The following RFTN1 variants were observed in gnomAD, a reference collection of about 807,000 sequenced individuals.
RFTN1 encodes raftlin.
Under a neutral mutation model 46.5 loss-of-function variants are expected in RFTN1, and 26 were observed. The observed-to-expected ratio is 0.56, with a 90% CI of 0.41 to 0.78. RFTN1 has a LOEUF of 0.78. Among genes scored for constraint, RFTN1 ranks in the 30% least tolerant of loss-of-function variants. The pLI is 0.00. For synonymous variants in RFTN1, 261 were observed against 284.2 expected, an observed-to-expected ratio of 0.92 and a Z score of 0.82; for missense variants, 693 against 718.7, an observed-to-expected ratio of 0.96 and a Z score of 0.41.
chr3:16,316,827 C>T lies in RFTN1; in HGVS notation c.*1G>A. 1 of 1,613,806 alleles carries T rather than the reference C, an allele frequency of 6.2e-7. No individual in the cohort carries two copies. Among genetic ancestry groups the T allele is most frequent in the East Asian group, 2.2e-5 (1 of 44,870 alleles). On this transcript the variant is annotated 3_prime_UTR_variant, in exon 10 of 10. Transcript: ENST00000334133. This position sits in a 1 kb window ranked among gnomAD's most constrained non-coding sequence, Gnocchi z 4.5. ...TAGTTTTAGCACAAATTGCCCAAGA[C>T]TCAGTTTTCTTCAACCGTACCAAGC...
Position 16,507,901 on chromosome 3 carries a change from A to G in RFTN1, c.-9+5541T>C, listed in dbSNP as rs1453769100. On this transcript the variant is annotated intron_variant, in intron 1 of 9. Coordinates refer to ENST00000334133, the MANE Select transcript of RFTN1 (RefSeq NM_015150.2). This position sits in a 1 kb window ranked among gnomAD's most constrained non-coding sequence, Gnocchi z 7.1. ...TGAAAGCTGATAGGCCCCCGTAAAG[A>G]ATAAATTGTAACCCTCAAGGAGGTC... 6.6e-6 allele frequency among the ~76,000 whole-genome samples: 1 copy of G among 152,140 alleles called. No individual in the cohort carries two copies. The highest frequency in any genetic ancestry group is 6.5e-5 in the Admixed American group (1 of 15,270).
chr3:16,337,501 T>C lies in RFTN1; in HGVS notation c.1147-10625A>G, dbSNP rs2070969127. 1 of 152,138 alleles carries C rather than the reference T, an allele frequency of 6.6e-6. No individual in the cohort carries two copies. The highest frequency in any genetic ancestry group is 1.9e-4 in the East Asian group (1 of 5,190). 9.4% of individuals were successfully genotyped at this position (152,138 alleles called of 1,614,324 possible). ...GCTCACGCCTGTAATCTCTGCACTT[T>C]GGGAGGCAGAGGTGGGTGGATCATG... is the stretch of plus-strand genomic sequence containing the variant. On this transcript the variant is annotated intron_variant, in intron 7 of 9. Transcript: ENST00000334133. This position sits in a 1 kb window ranked among gnomAD's most constrained non-coding sequence, Gnocchi z 5.0.
rs923591005 is a variant in RFTN1 at position 16,383,512 on chromosome 3, TA to T, written c.442-5411del. Reference sequence around the variant, plus strand: ...TTATATAAAAAGTCACAAGTCATTGTAAAAAAAATCTTTGGTTATATATTTG... The same window carrying T: ...TTATATAAAAAGTCACAAGTCATTGTAAAAAAATCTTTGGTTATATATTTG... On this transcript the variant is annotated intron_variant, in intron 4 of 9. Transcript: ENST00000334133. The surrounding 1 kb of genome is among the most constrained non-coding windows in gnomAD (Gnocchi z 4.0). Among the ~76,000 whole-genome samples, 2 of 152,066 alleles carry T rather than the reference TA, an allele frequency of 1.3e-5. No individual in the cohort carries two copies. The highest frequency in any genetic ancestry group is 2.1e-4 in the South Asian group (1 of 4,826).
rs1279066039 is a variant in RFTN1, at chr3:16,328,225, G to A, written c.1147-1349C>T. ...GGGAGAGATCCCAGCCACAGTCAAA[G>A]CAGGCTTCCTGGGGCAAAAATTAGA... On this transcript the variant is annotated intron_variant, in intron 7 of 9. Transcript: ENST00000334133. Among the ~76,000 whole-genome samples, 3 of 152,260 alleles carry A rather than the reference G, an allele frequency of 2.0e-5. No individual in the cohort carries two copies. In the East Asian group the frequency reaches 5.8e-4, roughly 29 times the overall value.
In RFTN1 at chr3:16,449,906, C is replaced by T. The variant is rs2075795845; in HGVS notation, c.146-15869G>A. Among the ~76,000 whole-genome samples the T allele has an allele frequency of 6.6e-6, 1 of 152,240 alleles. No individual in the cohort carries two copies. The highest frequency in any genetic ancestry group is 2.1e-4 in the South Asian group (1 of 4,826). On this transcript the variant is annotated intron_variant, in intron 2 of 9. Coordinates refer to ENST00000334133, the MANE Select transcript of RFTN1 (RefSeq NM_015150.2). This position sits in a 1 kb window ranked among gnomAD's most constrained non-coding sequence, Gnocchi z 5.1. ...ACTGCAGAAGCCTAGAGAGCTGGTT[C>T]TAGAAAATGGCCCCATCTCTAGAAG...
intron 7 of RFTN1, among the ~76,000 whole-genome samples, chr3:16,343,868 G>A (rs957628220): frequency 1.3e-5 from 2 of 152,190 alleles, no homozygotes; most frequent in African/African-American, 2.4e-5. Context: ...TTCAAAAGGA[G>A]GGGAGAGCAA....
chr3:16,482,605 G>C, intron 2 of RFTN1: 3 of 766,506 alleles, frequency 3.9e-6, no homozygotes, highest in Non-Finnish European at 2.2e-6. Context: ...AGAACCACGG[G>C]CACATTAGGT....
chr3:16,326,993 CCACT>C (rs1229786077), intron 7 of RFTN1, 117 bp from the exon 8 acceptor site: 1 of 694,958 alleles, frequency 1.4e-6, no homozygotes, highest in Non-Finnish European at 2.4e-6. Context: ...CGGTGCCCGG[CCACT>C]CAGAGGCTCC....
At position 16,382,227 on chromosome 3, in the gene RFTN1, A is replaced by G. The variant is rs2125386210; in HGVS notation, c.442-4125T>C. ...GCAGAGGCTGCCAAGTTGTTTACCA[A>G]AAAGGGTGCGTAGTCCTTTTTAACT... On this transcript the variant is annotated intron_variant, in intron 4 of 9. Coordinates refer to ENST00000334133, the MANE Select transcript of RFTN1 (RefSeq NM_015150.2). The surrounding 1 kb of genome is among the most constrained non-coding windows in gnomAD (Gnocchi z 4.7). 6.6e-6 allele frequency among the ~76,000 whole-genome samples: 1 copy of G among 152,298 alleles called. No individual in the cohort carries two copies. The highest frequency in any genetic ancestry group is 2.1e-4 in the South Asian group (1 of 4,826).
chr3:16,422,962 C>T lies in RFTN1; in HGVS notation c.332+10889G>A, dbSNP rs541594225. On this transcript the variant is annotated intron_variant, in intron 3 of 9. Coordinates refer to ENST00000334133, the MANE Select transcript of RFTN1 (RefSeq NM_015150.2). This position sits in a 1 kb window ranked among gnomAD's most constrained non-coding sequence, Gnocchi z 4.6. ...TGGGTGGATCATGAGGTCAGGAGAT[C>T]GAGACCATCCTGGCTAACACAGTGA... Among the ~76,000 whole-genome samples the T allele has an allele frequency of 9.2e-5, 14 of 151,662 alleles. No homozygotes were observed. The highest frequency in any genetic ancestry group is 5.3e-4 in the Admixed American group (8 of 15,226).
chr3:16,343,472 A>G (rs2071442601), intron 7 of RFTN1, among the ~76,000 whole-genome samples: 1 of 152,098 alleles, frequency 6.6e-6, no homozygotes, highest in Non-Finnish European at 1.5e-5. Context: ...AACATGTCCA[A>G]TTGTTTCCCA....
At chr3:16,490,994 G>GAGAA (rs1202182796) in intron 2 of RFTN1, among the ~76,000 whole-genome samples, 2 of 152,178 alleles carry the variant, frequency 1.3e-5, no homozygotes, top group African/African-American at 4.8e-5. Flanking sequence ...GAATAAAAGA[G>GAGAA]AGAAAATCCC....
chr3:16,333,239 G>C (rs541636462), intron 7 of RFTN1, among the ~76,000 whole-genome samples: 3 of 152,290 alleles, frequency 2.0e-5, no homozygotes, highest in Admixed American at 2.0e-4. Flanking sequence ...GGCACTATGT[G>C]TACCACAAAA....
In RFTN1 at chr3:16,466,665, T is replaced by C. The variant is rs1458173579; in HGVS notation, c.145+27060A>G. On this transcript the variant is annotated intron_variant, in intron 2 of 9. Coordinates refer to ENST00000334133, the MANE Select transcript of RFTN1 (RefSeq NM_015150.2). This position sits in a 1 kb window ranked among gnomAD's most constrained non-coding sequence, Gnocchi z 5.6. ...CAGGCAGAAGTTTCTTCCAACCTGTTACCTGCGAATTTCAAAATCATACCT... is the reference window on the plus strand; with the variant it reads ...CAGGCAGAAGTTTCTTCCAACCTGTCACCTGCGAATTTCAAAATCATACCT... Among the ~76,000 whole-genome samples, 1 of 152,172 alleles carries C rather than the reference T, an allele frequency of 6.6e-6. No homozygotes were observed. Among genetic ancestry groups the C allele is most frequent in the Non-Finnish European group, 1.5e-5 (1 of 68,026 alleles).
intron 2 of RFTN1, chr3:16,482,726 A>C: frequency 1.3e-6 from 2 of 1,504,022 alleles, no homozygotes; most frequent in Non-Finnish European, 1.8e-6. Context: ...TGCTACTGTT[A>C]ACAATGATTA....
Position 16,483,778 on chromosome 3 carries a change from C to T in RFTN1, c.145+9947G>A, listed in dbSNP as rs2076405239. 6.6e-6 allele frequency among the ~76,000 whole-genome samples: 1 copy of T among 151,840 alleles called. No homozygotes were observed. Among genetic ancestry groups the T allele is most frequent in the Admixed American group, 6.6e-5 (1 of 15,260 alleles). On this transcript the variant is annotated intron_variant, in intron 2 of 9. Coordinates refer to ENST00000334133, the MANE Select transcript of RFTN1 (RefSeq NM_015150.2). This position sits in a 1 kb window ranked among gnomAD's most constrained non-coding sequence, Gnocchi z 4.8. ...TCAAATTAAAAAAAAAAAAATTGTACTCCACATGATCTTTTAAGGTTCTCC... is the reference window on the plus strand; with the variant it reads ...TCAAATTAAAAAAAAAAAAATTGTATTCCACATGATCTTTTAAGGTTCTCC...
At position 16,507,725 on chromosome 3, in the gene RFTN1, A is replaced by T. The variant is rs1005167567; in HGVS notation, c.-9+5717T>A. 4.0e-5 allele frequency among the ~76,000 whole-genome samples: 6 copies of T among 151,674 alleles called. No homozygotes were observed. Among genetic ancestry groups the T allele is most frequent in the Admixed American group, 6.6e-5 (1 of 15,196 alleles). ...CATACATACACATACACACATACAC[A>T]CAAACACATACACACATACATGCAC... On this transcript the variant is annotated intron_variant, in intron 1 of 9. Coordinates refer to ENST00000334133, the MANE Select transcript of RFTN1 (RefSeq NM_015150.2). This position sits in a 1 kb window ranked among gnomAD's most constrained non-coding sequence, Gnocchi z 7.1.
intron 7 of RFTN1, among the ~76,000 whole-genome samples, chr3:16,354,466 A>T (rs2072299688): frequency 6.6e-6 from 1 of 152,236 alleles, no homozygotes; most frequent in African/African-American, 2.4e-5. Context: ...GTAAGCCTGA[A>T]GGTACTGAGG....
intron 1 of RFTN1, among the ~76,000 whole-genome samples, chr3:16,503,845 AT>A (rs1393839701): frequency 6.6e-6 from 1 of 152,194 alleles, no homozygotes; most frequent in Non-Finnish European, 1.5e-5. Flanking sequence ...CTTCAAACAT[AT>A]GGAAAAGTAC....
Sources: allele counts gnomAD v4.1 joint callset (sites outside exome capture counted in the v4.1 genomes callset), GRCh38; gene constraint gnomAD v4.1.1; non-coding constraint Gnocchi (gnomAD v3.1); transcripts MANE v1.5; gene names NCBI Gene and HGNC (gene_info 2026-07-23, HGNC 2026-07-21).